The following RFTN1 variants were observed in gnomAD, a reference collection of about 807,000 sequenced individuals.
RFTN1 encodes the protein raftlin, lipid raft linker 1.
RFTN1 carries 26 observed loss-of-function variants against 46.5 expected under a neutral mutation model. The ratio of observed to expected loss-of-function variants is 0.56; its 90% CI spans 0.41 to 0.78. The LOEUF (loss-of-function observed/expected upper bound fraction) is 0.78. Among genes scored for constraint, RFTN1 ranks in the 30% least tolerant of loss-of-function variants. The pLI, the probability that RFTN1 is intolerant of heterozygous loss-of-function variation, is 0.00. For synonymous variants in RFTN1, 261 were observed against 284.2 expected (o/e 0.92, Z 0.82); for missense variants, 693 against 718.7 (o/e 0.96, Z 0.41).
rs1036965432 is a variant in RFTN1, at chr3:16,473,830, C to T, written c.145+19895G>A. Among the ~76,000 whole-genome samples, 5 of 152,208 alleles carry T rather than the reference C, an allele frequency of 3.3e-5. No homozygotes were observed. Among genetic ancestry groups the T allele is most frequent in the Admixed American group, 6.5e-5 (1 of 15,286 alleles). On this transcript the variant is annotated intron_variant, in intron 2 of 9. Coordinates refer to ENST00000334133, the MANE Select transcript of RFTN1 (RefSeq NM_015150.2). This position sits in a 1 kb window ranked among gnomAD's most constrained non-coding sequence, Gnocchi z 5.3. Reference sequence around the variant, plus strand: ...GTCCTCCCACTTCTCCCTATCCTTCCCTGTCCTAGAAGCACGAAACCTACC... The same window carrying T: ...GTCCTCCCACTTCTCCCTATCCTTCTCTGTCCTAGAAGCACGAAACCTACC...
In RFTN1 at chr3:16,468,326, T is replaced by A. The variant is rs2076136384; in HGVS notation, c.145+25399A>T. On this transcript the variant is annotated intron_variant, in intron 2 of 9. Coordinates refer to ENST00000334133, the MANE Select transcript of RFTN1 (RefSeq NM_015150.2). This position sits in a 1 kb window ranked among gnomAD's most constrained non-coding sequence, Gnocchi z 4.4. ...TCGTTCGTTTTTGAAGTACCTGCAT[T>A]CTGTCTCGAGTTTCCGGTAGATAAG... Among the ~76,000 whole-genome samples, 1 of 152,170 alleles carries A rather than the reference T, an allele frequency of 6.6e-6. No homozygotes were observed. Among genetic ancestry groups the A allele is most frequent in the Non-Finnish European group, 1.5e-5 (1 of 68,034 alleles).
intron 2 of RFTN1, among the ~76,000 whole-genome samples, chr3:16,487,904 G>C (rs937202116): frequency 6.6e-6 from 1 of 152,150 alleles, no homozygotes; most frequent in Non-Finnish European, 1.5e-5. Context: ...TCGGTGACCA[G>C]AGTTAATTGA....
chr3:16,472,092 A>G (rs1293692653), intron 2 of RFTN1: 1 of 151,740 alleles, frequency 6.6e-6, no homozygotes, highest in South Asian at 2.1e-4. Context: ...TTTCCCTAAC[A>G]GCTGACACAG....
At chr3:16,343,493 G>A (rs2071444171) in intron 7 of RFTN1, among the ~76,000 whole-genome samples, 1 of 152,022 alleles carries the variant, frequency 6.6e-6, no homozygotes, top group East Asian at 1.9e-4. Context: ...CCATTTCCAG[G>A]TGTCTCCCGC....
rs493733 is a variant in RFTN1, at chr3:16,376,048, T to G, written c.826+1670A>C. Among the ~76,000 whole-genome samples the G allele has an allele frequency of 0.45, 68,278 of 151,858 alleles. 16,030 individuals carry two copies. Among genetic ancestry groups the G allele is most frequent in the African/African-American group, 0.55 (22,927 of 41,378 alleles). On this transcript the variant is annotated intron_variant, in intron 5 of 9. Transcript: ENST00000334133. This position sits in a 1 kb window ranked among gnomAD's most constrained non-coding sequence, Gnocchi z 4.7. ...GGAGGCAGGAAGTCTGGAAGGAGTATCGGAGGAAGGTGGGCTCTGGAACAC... is the reference window on the plus strand; with the variant it reads ...GGAGGCAGGAAGTCTGGAAGGAGTAGCGGAGGAAGGTGGGCTCTGGAACAC...
In RFTN1 at chr3:16,442,546, A is replaced by G. The variant is rs969436854; in HGVS notation, c.146-8509T>C. On this transcript the variant is annotated intron_variant, in intron 2 of 9. Transcript: ENST00000334133. The surrounding 1 kb of genome is among the most constrained non-coding windows in gnomAD (Gnocchi z 4.1). Reference sequence around the variant, plus strand: ...GATTACTACAGTCAAGAAAACCAACATAACCATCATCTCACATAGTTAGTT... The same window carrying G: ...GATTACTACAGTCAAGAAAACCAACGTAACCATCATCTCACATAGTTAGTT... Among the ~76,000 whole-genome samples the G allele has an allele frequency of 6.6e-6, 1 of 152,232 alleles. No individual in the cohort carries two copies. Among genetic ancestry groups the G allele is most frequent in the Non-Finnish European group, 1.5e-5 (1 of 68,040 alleles).
chr3:16,378,845 A>G (rs1237819451), intron 4 of RFTN1, among the ~76,000 whole-genome samples: 2 of 152,202 alleles, frequency 1.3e-5, no homozygotes, highest in Non-Finnish European at 2.9e-5. Context: ...CCCTGTACCA[A>G]CGGGATGGGG....
rs1214308407 is a variant in RFTN1 at position 16,380,385 on chromosome 3, G to A, written c.442-2283C>T. Among the ~76,000 whole-genome samples the A allele has an allele frequency of 6.6e-6, 1 of 152,176 alleles. No homozygotes were observed. Among genetic ancestry groups the A allele is most frequent in the African/African-American group, 2.4e-5 (1 of 41,454 alleles). On this transcript the variant is annotated intron_variant, in intron 4 of 9. Transcript: ENST00000334133. The surrounding 1 kb of genome is among the most constrained non-coding windows in gnomAD (Gnocchi z 4.8). Reference sequence around the variant, plus strand: ...GGGCTTCTGCGGCCCTGCAGAGACTGCTGTCATCTAGAGTGAAGAGGCGAG... The same window carrying A: ...GGGCTTCTGCGGCCCTGCAGAGACTACTGTCATCTAGAGTGAAGAGGCGAG...
intron 2 of RFTN1, among the ~76,000 whole-genome samples, chr3:16,490,782 G>T (rs1437410105): frequency 6.6e-6 from 1 of 152,152 alleles, no homozygotes; most frequent in Non-Finnish European, 1.5e-5. Flanking sequence ...AATAAATTAT[G>T]GTACACTGAG....
At position 16,404,634 on chromosome 3, in the gene RFTN1, C is replaced by G. The variant is rs140567755; in HGVS notation, c.441+4741G>C. Among the ~76,000 whole-genome samples, 811 of 151,754 alleles carry G rather than the reference C, an allele frequency of 5.3e-3. 4 individuals are homozygous for G. Among genetic ancestry groups the G allele is most frequent in the Middle Eastern group, 0.027 (8 of 294 alleles). On this transcript the variant is annotated intron_variant, in intron 4 of 9. Coordinates refer to ENST00000334133, the MANE Select transcript of RFTN1 (RefSeq NM_015150.2). ...CAAACAGGACTTGGCTCTTCCTCAG[C>G]CTTATGCCTTCAACCCATGCTCCTG...
In RFTN1 at chr3:16,352,027, C is replaced by G. The variant is rs1373544873; in HGVS notation, c.1146+5905G>C. The stretch of plus-strand genomic sequence containing the variant: ...GAACTCTACTTCAGCAGACACTCAA[C>G]TCAAAAAGACTGGCAAATGGACATG... On this transcript the variant is annotated intron_variant, in intron 7 of 9. Transcript: ENST00000334133. The surrounding 1 kb of genome is among the most constrained non-coding windows in gnomAD (Gnocchi z 4.6). 6.6e-6 allele frequency among the ~76,000 whole-genome samples: 1 copy of G among 152,206 alleles called. No homozygotes were observed. The highest frequency in any genetic ancestry group is 1.5e-5 in the Non-Finnish European group (1 of 68,030).
intron 8 of RFTN1, among the ~76,000 whole-genome samples, chr3:16,326,502 C>T (rs978099821): frequency 6.6e-6 from 1 of 152,222 alleles, no homozygotes; most frequent in Non-Finnish European, 1.5e-5. Flanking sequence ...GCTCTGAGCC[C>T]TCTCAGTCTG....
chr3:16,456,617 C>G (rs1336486217), intron 2 of RFTN1, among the ~76,000 whole-genome samples: 1 of 152,176 alleles, frequency 6.6e-6, no homozygotes, highest in East Asian at 1.9e-4. Context: ...TTGAGGACCC[C>G]CCTAAGAACT....
chr3:16,469,019 G>T (rs1401003625), intron 2 of RFTN1, among the ~76,000 whole-genome samples: 3 of 152,226 alleles, frequency 2.0e-5, no homozygotes, highest in African/African-American at 4.8e-5. Flanking sequence ...TTGGCCACAG[G>T]CCACTAACAA....
intron 5 of RFTN1, among the ~76,000 whole-genome samples, chr3:16,372,228 T>C (rs1575161691): frequency 6.6e-6 from 1 of 152,174 alleles, no homozygotes; most frequent in East Asian, 1.9e-4. Context: ...ATGAGTGCAC[T>C]GAAGAGCATG....
chr3:16,375,917 G>T (rs556068257), intron 5 of RFTN1, among the ~76,000 whole-genome samples: 1 of 152,160 alleles, frequency 6.6e-6, no homozygotes, highest in African/African-American at 2.4e-5. Flanking sequence ...CAGCCATCAG[G>T]GGAGATTCTG....
At chr3:16,399,672 G>T (rs1188532069) in intron 4 of RFTN1, among the ~76,000 whole-genome samples, 1 of 152,086 alleles carries the variant, frequency 6.6e-6, no homozygotes, top group Non-Finnish European at 1.5e-5. Context: ...TTTCATCCAT[G>T]ACCGTGGTTT....
chr3:16,482,123 C>T (rs1000616852), intron 2 of RFTN1, among the ~76,000 whole-genome samples: 3 of 152,168 alleles, frequency 2.0e-5, no homozygotes. Context: ...CTTAATGTGG[C>T]TCCGGACCCT....
rs780829837 is a variant in RFTN1 at position 16,433,796 on chromosome 3, T to C, written c.332+55A>G. ...CCATCCTCTCACTTCCCCTCCTCTA[T>C]TGAGCATAACTTAGCCGCAACAGGA... On this transcript the variant is annotated intron_variant, in intron 3 of 9. Coordinates refer to ENST00000334133, the MANE Select transcript of RFTN1 (RefSeq NM_015150.2). The surrounding 1 kb of genome is among the most constrained non-coding windows in gnomAD (Gnocchi z 4.4). The C allele has an allele frequency of 9.5e-6, 15 of 1,571,560 alleles. No homozygotes were observed. The highest frequency in any genetic ancestry group is 1.3e-5 in the Non-Finnish European group (15 of 1,141,868).
Sources: gnomAD v4.1 joint callset for allele counts (sites outside exome capture counted in the v4.1 genomes callset) on GRCh38, gnomAD v4.1.1 for gene constraint, Gnocchi (gnomAD v3.1) non-coding constraint, MANE v1.5 for transcripts, NCBI Gene and HGNC (gene_info 2026-07-23, HGNC 2026-07-21) for gene names.